The following PPP1R12B variants were observed in gnomAD, a reference collection of about 807,000 sequenced individuals.
PPP1R12B encodes protein phosphatase 1 regulatory subunit 12B, also known as myosin phosphatase target subunit 2.
In PPP1R12B, 76 loss-of-function variants were observed where a neutral mutation model predicts 126.1. The ratio of observed to expected loss-of-function variants is 0.60; its 90% CI spans 0.50 to 0.73. The LOEUF is 0.73. PPP1R12B is among the 30% of genes least tolerant of loss of function. The pLI is 0.00. For missense variants in PPP1R12B, 1,052 were observed against 1,205.1 expected (o/e 0.87, Z 1.88); for synonymous variants, 356 against 434.7 (o/e 0.82, Z 2.25).
rs1312369490 is a variant in PPP1R12B, at chr1:202,353,882, G to A, written c.291+4740G>A. Among the ~76,000 whole-genome samples, 4 of 151,900 alleles carry A rather than the reference G, an allele frequency of 2.6e-5. No individual in the cohort carries two copies. The East Asian group carries it at 5.8e-4, about 22-fold the overall frequency. On this transcript the variant is annotated intron_variant, in intron 1 of 23. Transcript: ENST00000608999. ...CCCCCCTCGGCCTCCCAAAGTGCTC[G>A]GATTACAAGTAGGAGCCACTATGCC...
At position 202,399,045 on chromosome 1, in the gene PPP1R12B, G is replaced by A. The variant is rs1665421248; in HGVS notation, c.292-17742G>A. On this transcript the variant is annotated intron_variant, in intron 1 of 23. Coordinates refer to ENST00000608999, the MANE Select transcript of PPP1R12B (RefSeq NM_002481.4). Reference sequence around the variant, plus strand: ...TTGAATCTCTAAAACCTAGTGTTGTGATTATCAATGTGTGGATTCTAAGAT... The same window carrying A: ...TTGAATCTCTAAAACCTAGTGTTGTAATTATCAATGTGTGGATTCTAAGAT... 2.0e-5 allele frequency among the ~76,000 whole-genome samples: 3 copies of A among 152,172 alleles called. No homozygotes were observed. In the South Asian group the frequency reaches 6.2e-4, roughly 32 times the overall value.
intron 1 of PPP1R12B, among the ~76,000 whole-genome samples, chr1:202,383,821 A>G (rs558550660): frequency 1.3e-5 from 2 of 152,266 alleles, no homozygotes; most frequent in Admixed American, 6.5e-5. Context: ...ATTGATACAT[A>G]TAACAATAAT....
At chr1:202,560,537 T>C (rs903488601) in intron 19 of PPP1R12B, among the ~76,000 whole-genome samples, 7 of 152,190 alleles carry the variant, frequency 4.6e-5, no homozygotes, top group African/African-American at 1.7e-4. Context: ...TTGGTGGGAG[T>C]GTAGCAGTGA....
chr1:202,441,690 C>T (rs1671635213), intron 11 of PPP1R12B, among the ~76,000 whole-genome samples: 1 of 152,036 alleles, frequency 6.6e-6, no homozygotes, highest in African/African-American at 2.4e-5. Flanking sequence ...TTCCTGGATA[C>T]CTTTTCATTT....
intron 1 of PPP1R12B, among the ~76,000 whole-genome samples, chr1:202,375,016 C>T (rs1660945217): frequency 6.6e-6 from 1 of 152,068 alleles, no homozygotes; most frequent in Non-Finnish European, 1.5e-5. Flanking sequence ...GATCTCAGCT[C>T]ACTGCAACCT....
intron 21 of PPP1R12B, among the ~76,000 whole-genome samples, chr1:202,564,749 G>T (rs1281409453): frequency 6.6e-6 from 1 of 152,154 alleles, no homozygotes; most frequent in Non-Finnish European, 1.5e-5. Context: ...ATAATTCAGT[G>T]AACAATTCCT....
rs1655442675 is a variant in PPP1R12B, at chr1:202,349,147, CT to C, written c.291+6del. ...GGCTTGACAGCCCTGCACCAGGTAA[CT>C]CCTTTCTTGGTCTTAGAGGCGTCCA... On this transcript the variant is annotated splice_donor_region_variant and intron_variant, in intron 1 of 23. Transcript: ENST00000608999. 3 of 1,613,614 alleles carry C rather than the reference CT, an allele frequency of 1.9e-6. No individual in the cohort carries two copies. In the African/African-American group the frequency reaches 4.0e-5, roughly 22 times the overall value.
intron 1 of PPP1R12B, among the ~76,000 whole-genome samples, chr1:202,399,514 T>G (rs1016899150): frequency 2.0e-5 from 3 of 151,506 alleles, no homozygotes; most frequent in African/African-American, 7.3e-5. Context: ...TTTTTTTTTT[T>G]GAAATGGAGT....
intron 23 of PPP1R12B, among the ~76,000 whole-genome samples, chr1:202,572,891 A>C (rs1282596179): frequency 6.6e-6 from 1 of 152,032 alleles, no homozygotes; most frequent in Non-Finnish European, 1.5e-5. Flanking sequence ...CCTTGTTTTC[A>C]ATACTGCTTC....
At chr1:202,421,540 T>G (rs1212425519) in intron 2 of PPP1R12B, among the ~76,000 whole-genome samples, 1 of 151,278 alleles carries the variant, frequency 6.6e-6, no homozygotes, top group Non-Finnish European at 1.5e-5. Flanking sequence ...ATCAGGAGGC[T>G]GAGGCAGGGG....
intron 18 of PPP1R12B, among the ~76,000 whole-genome samples, chr1:202,521,940 T>C (rs1364516048): frequency 1.3e-5 from 2 of 151,892 alleles, no homozygotes; most frequent in African/African-American, 2.4e-5. Flanking sequence ...AAAGAGAAAA[T>C]CTGAAATTCT....
chr1:202,579,840 C>T (rs891459804), intron 23 of PPP1R12B, among the ~76,000 whole-genome samples: 3 of 152,162 alleles, frequency 2.0e-5, no homozygotes, highest in African/African-American at 7.2e-5. Context: ...TGCCTCACAG[C>T]TCTGTGAGTG....
At chr1:202,514,776 T>C (rs537841087) in intron 18 of PPP1R12B, among the ~76,000 whole-genome samples, 1 of 152,186 alleles carries the variant, frequency 6.6e-6, no homozygotes, top group Admixed American at 6.5e-5. Flanking sequence ...TTCTATTCCA[T>C]TGGTCTGTGT....
chr1:202,407,997 A>G (rs906328291), intron 1 of PPP1R12B, among the ~76,000 whole-genome samples: 2 of 152,234 alleles, frequency 1.3e-5, no homozygotes, highest in African/African-American at 4.8e-5. Flanking sequence ...GGCATTTTAA[A>G]TAATCTAGAG....
intron 2 of PPP1R12B, among the ~76,000 whole-genome samples, chr1:202,422,354 A>G (rs1668916816): frequency 6.6e-6 from 1 of 152,246 alleles, no homozygotes; most frequent in Non-Finnish European, 1.5e-5. Context: ...TTCTCTTGCC[A>G]TCCACTGGGA....
At position 202,562,888 on chromosome 1, in the gene PPP1R12B, G is replaced by A. The variant is rs142096099; in HGVS notation, c.2618G>A (p.Arg873His). The A allele has an allele frequency of 1.8e-5, 28 of 1,595,492 alleles. No individual in the cohort carries two copies. Among genetic ancestry groups the A allele is most frequent in the South Asian group, 2.3e-5 (2 of 87,838 alleles). The change falls in exon 20 of 24, where the codon CGT becomes CAT. Residue 873 changes from arginine (R) to histidine (H), a missense_variant. By Grantham distance (29) the Arg-to-His change is conservative. Transcript: ENST00000608999. ...GCCCGCCTAGCCACCCTGACCAGCC[G>A]TGTAGAAGAAGACAGCAACAGAGAT... ...REARLATLTS[R>H]VEEDSNRDYK...
rs191824584 is a variant in PPP1R12B, at chr1:202,422,636, G to A, written c.439G>A (p.Gly147Arg). The A allele has an allele frequency of 2.2e-5, 36 of 1,613,588 alleles. No individual in the cohort carries two copies. Among genetic ancestry groups the A allele is most frequent in the South Asian group, 6.6e-5 (6 of 91,058 alleles). ...TCTACGCAGGTATTTCATTAATCACGGAGCCAGTGTAGGTATTGTCAATAG... is the reference window on the plus strand; with the variant it reads ...TCTACGCAGGTATTTCATTAATCACAGAGCCAGTGTAGGTATTGTCAATAG... ...LNIAEYFINH[G>R]ASVGIVNSEG... Residue 147 changes from glycine to arginine, a missense_variant, in exon 3 of 24, where the codon GGA becomes AGA. Gly to Arg is a moderately radical substitution (Grantham distance 125). Transcript: ENST00000608999.
At chr1:202,522,130 C>T (rs1245405910) in intron 18 of PPP1R12B, among the ~76,000 whole-genome samples, 4 of 152,094 alleles carry the variant, frequency 2.6e-5, no homozygotes, top group Non-Finnish European at 5.9e-5. Flanking sequence ...ATAAACACAT[C>T]TTCAGATACA....
chr1:202,570,956 T>C (rs1162130240), intron 23 of PPP1R12B, among the ~76,000 whole-genome samples: 2 of 152,192 alleles, frequency 1.3e-5, no homozygotes, highest in African/African-American at 4.8e-5. Context: ...TATTAAGAAA[T>C]GTCCTAAATG....
Sources: gnomAD v4.1 joint callset for allele counts (sites outside exome capture counted in the v4.1 genomes callset) on GRCh38, gnomAD v4.1.1 for gene constraint, MANE v1.5 for transcripts, NCBI Gene and HGNC (gene_info 2026-07-23, HGNC 2026-07-21) for gene names.